Variants in ERCC6L2 observed in about 807,000 individuals in gnomAD.
The protein encoded by ERCC6L2 is DNA excision repair protein ERCC-6-like 2.
Under a neutral mutation model 132.0 loss-of-function variants are expected in ERCC6L2, and 77 were observed. That is an observed-to-expected ratio of 0.58 (90% CI 0.49 to 0.71). ERCC6L2 has a LOEUF of 0.71. Among genes scored for constraint, ERCC6L2 ranks in the 30% least tolerant of loss-of-function variants. ERCC6L2 has a pLI of 0.00. For missense variants in ERCC6L2, 1,542 were observed against 1,837.6 expected (o/e 0.84, Z 2.94); for synonymous variants, 583 against 632.4 (o/e 0.92, Z 1.17).
rs374932786 is a variant in ERCC6L2 at position 95,880,939 on chromosome 9, A to G, written c.117A>G (p.Ile39Met). 7.4e-6 allele frequency: 12 copies of G among 1,613,858 alleles called. No individual in the cohort carries two copies. The highest frequency in any genetic ancestry group is 4.0e-5 in the African/African-American group (3 of 74,916). ...ATGGAAAACTTTGTGAAGCAAGCATAAAATCTATCACAGTGGATGAAAATG... is the reference window on the plus strand; with the variant it reads ...ATGGAAAACTTTGTGAAGCAAGCATGAAATCTATCACAGTGGATGAAAATG... ...PDNGKLCEAS[I>M]KSITVDENGK... The change falls in exon 2 of 19, where the codon ATA becomes ATG. Residue 39 changes from isoleucine to methionine, a missense_variant. Physicochemically the swap from Ile to Met is conservative, Grantham distance 10. Around this residue, in one of 4 missense-constraint regions of ERCC6L2, gnomAD observed 153 missense variants for 132.3 expected, o/e 1.16. Transcript: ENST00000653738.
At chr9:95,960,704 T>A (rs978922378) in intron 13 of ERCC6L2, among the ~76,000 whole-genome samples, 1 of 152,154 alleles carries the variant, frequency 6.6e-6, no homozygotes, top group African/African-American at 2.4e-5. Context: ...GATTTCAGAT[T>A]TCTGGCTCCC....
Position 95,966,766 on chromosome 9 carries a change from T to C in ERCC6L2, c.2100+52T>C, listed in dbSNP as rs541957312. 1.7e-5 allele frequency: 23 copies of C among 1,321,350 alleles called. No individual in the cohort carries two copies. The South Asian group carries it at 5.8e-4, about 33-fold the overall frequency. The allele number at this position is 1,321,350 out of a possible 1,614,324, so 81.9% of individuals were successfully genotyped here. On this transcript the variant is annotated intron_variant, in intron 14 of 18. Coordinates refer to ENST00000653738, the MANE Select transcript of ERCC6L2 (RefSeq NM_020207.7). Reference sequence around the variant, plus strand: ...AATAATATTTTAAATACAGTTTTTCTTCCTCAGGAAATCTGAAATACAATT... The same window carrying C: ...AATAATATTTTAAATACAGTTTTTCCTCCTCAGGAAATCTGAAATACAATT...
At chr9:95,961,389 T>C (rs1831894078) in intron 13 of ERCC6L2, among the ~76,000 whole-genome samples, 2 of 152,064 alleles carry the variant, frequency 1.3e-5, no homozygotes, top group Admixed American at 6.6e-5. Context: ...TACCAGAAGC[T>C]AGAAAGAGGC....
intron 9 of ERCC6L2, among the ~76,000 whole-genome samples, chr9:95,925,802 A>G (rs1830073999): frequency 1.3e-5 from 2 of 152,030 alleles, no homozygotes; most frequent in East Asian, 3.9e-4. Context: ...TTAAGAATGA[A>G]AAACAAACCA....
intron 2 of ERCC6L2, among the ~76,000 whole-genome samples, chr9:95,896,546 C>A (rs767055625): frequency 1.3e-5 from 2 of 151,832 alleles, no homozygotes; most frequent in Non-Finnish European, 2.9e-5. Flanking sequence ...TTCAGCTTTC[C>A]AGGTAGCTAG....
intron 16 of ERCC6L2, among the ~76,000 whole-genome samples, chr9:95,973,837 A>G (rs1435133164): frequency 6.6e-6 from 1 of 152,202 alleles, no homozygotes; most frequent in Non-Finnish European, 1.5e-5. Flanking sequence ...TTTAATCTAC[A>G]GGAATCCTCA....
intron 16 of ERCC6L2, among the ~76,000 whole-genome samples, chr9:95,975,765 C>T (rs1264047298): frequency 2.0e-5 from 3 of 151,988 alleles, no homozygotes; most frequent in East Asian, 3.9e-4. Context: ...AAATCTTTAT[C>T]TGTTCATTTT....
At chr9:95,989,623 C>T (rs945779555) in intron 17 of ERCC6L2, among the ~76,000 whole-genome samples, 11 of 152,122 alleles carry the variant, frequency 7.2e-5, no homozygotes, top group Non-Finnish European at 1.6e-4. Flanking sequence ...TAGACCTAAA[C>T]AATCAAAGTA....
rs1351628221 is a variant in ERCC6L2, at chr9:95,894,655, C to T, written c.472-3194C>T. Among the ~76,000 whole-genome samples the T allele has an allele frequency of 2.4e-5, 3 of 127,482 alleles. No individual in the cohort carries two copies. In the South Asian group the frequency reaches 7.4e-4, roughly 31 times the overall value. The allele number at this position is 127,482 out of a possible 152,430, so 83.6% of individuals were successfully genotyped here. A position where few individuals can be genotyped will look rare whatever the true frequency, so the allele number is the denominator to read the frequency against. ...TATTGCCCAAGATGGAGTGCAATGG[C>T]GTGATCTTGGCTCACCGCAACCTCC... On this transcript the variant is annotated intron_variant, in intron 2 of 18. Transcript: ENST00000653738.
intron 9 of ERCC6L2, 67 bp from the exon 10 acceptor site, chr9:95,928,012 T>C (rs1830174104): frequency 1.0e-6 from 1 of 978,158 alleles, no homozygotes; most frequent in Non-Finnish European, 1.6e-6. Flanking sequence ...TCTCAAGTGA[T>C]GTTTATATGT....
intron 7 of ERCC6L2, among the ~76,000 whole-genome samples, chr9:95,922,032 T>G (rs1275464256): frequency 6.6e-6 from 1 of 152,206 alleles, no homozygotes; most frequent in African/African-American, 2.4e-5. Context: ...AACAGCAACA[T>G]TTCCATCACT....
intron 3 of ERCC6L2, among the ~76,000 whole-genome samples, chr9:95,905,954 A>AT (rs2132651798): frequency 6.6e-6 from 1 of 152,346 alleles, no homozygotes; most frequent in African/African-American, 2.4e-5. Context: ...TGGTAACCCT[A>AT]TTAAACTTAA....
At chr9:95,889,005 G>A (rs1828020910) in intron 2 of ERCC6L2, among the ~76,000 whole-genome samples, 1 of 152,052 alleles carries the variant, frequency 6.6e-6, no homozygotes, top group South Asian at 2.1e-4. Context: ...TTTTTCGGGG[G>A]TGGGTGGATA....
chr9:95,959,066 C>G (rs115714150), intron 13 of ERCC6L2, among the ~76,000 whole-genome samples: 1 of 152,084 alleles, frequency 6.6e-6, no homozygotes, highest in African/African-American at 2.4e-5. Context: ...GCCTGCATCG[C>G]CAAGTCTCAA....
rs1834108512 is a variant in ERCC6L2, at chr9:96,013,573, C to G, written c.*370C>G. The G allele has an allele frequency of 6.2e-6, 1 of 161,876 alleles. No individual in the cohort carries two copies. The highest frequency in any genetic ancestry group is 1.4e-5 in the Non-Finnish European group (1 of 73,788). The allele number at this position is 161,876 out of a possible 1,614,324, so 10.0% of individuals were successfully genotyped here. A position where few individuals can be genotyped will look rare whatever the true frequency, so the allele number is the denominator to read the frequency against. On this transcript the variant is annotated 3_prime_UTR_variant, in exon 19 of 19. Coordinates refer to ENST00000653738, the MANE Select transcript of ERCC6L2 (RefSeq NM_020207.7). ...GTCTGTACCGAATCAGCATGAGTGT[C>G]CTTCCAGTTTAAAAAAGCTTTGCTT... is the stretch of plus-strand genomic sequence containing the variant.
intron 12 of ERCC6L2, among the ~76,000 whole-genome samples, chr9:95,950,932 C>G (rs1831302000): frequency 1.3e-5 from 2 of 152,064 alleles, no homozygotes; most frequent in African/African-American, 4.8e-5. Context: ...GACAGAAGAT[C>G]AATAAGTAAG....
chr9:95,975,098 T>C (rs1177798094), intron 16 of ERCC6L2, among the ~76,000 whole-genome samples: 1 of 152,138 alleles, frequency 6.6e-6, no homozygotes, highest in African/African-American at 2.4e-5. Context: ...GCCTCTACTC[T>C]CCCTTTTCTT....
chr9:95,971,259 A>C lies in ERCC6L2; in HGVS notation c.2181+603A>C, dbSNP rs190519757. Among the ~76,000 whole-genome samples the C allele has an allele frequency of 2.0e-3, 297 of 152,240 alleles. 1 individual carries two copies. Among genetic ancestry groups the C allele is most frequent in the Middle Eastern group, 0.014 (4 of 294 alleles). On this transcript the variant is annotated intron_variant, in intron 15 of 18. Transcript: ENST00000653738. ...TTAAATTGGGGATGAAATTTCTATA[A>C]ATTTAGAGAAATATATGAATCTCAA...
intron 11 of ERCC6L2, among the ~76,000 whole-genome samples, chr9:95,940,449 C>T (rs998870413): frequency 6.6e-6 from 1 of 152,078 alleles, no homozygotes; most frequent in Non-Finnish European, 1.5e-5. Context: ...GCTAGACTTT[C>T]TTCTCACAGT....
Sources: gnomAD v4.1 joint callset for allele counts (sites outside exome capture counted in the v4.1 genomes callset) on GRCh38, gnomAD v4.1.1 for gene constraint, gnomAD v4.1.1 regional missense constraint, MANE v1.5 for transcripts, NCBI Gene and HGNC (gene_info 2026-07-23, HGNC 2026-07-21) for gene names.